Variants in UNC5C observed in about 807,000 individuals in gnomAD.
The protein encoded by UNC5C is unc-5 netrin receptor C, also known as netrin receptor UNC5C.
Under a neutral mutation model 99.8 loss-of-function variants are expected in UNC5C, and 47 were observed. The ratio of observed to expected loss-of-function variants is 0.47; its 90% CI spans 0.37 to 0.60. The LOEUF is 0.60. Among genes scored for constraint, UNC5C ranks in the 20% least tolerant of loss-of-function variants. The pLI, the probability that UNC5C is intolerant of heterozygous loss-of-function variation, is 0.00. For missense variants in UNC5C, 1,062 were observed against 1,165.9 expected (o/e 0.91, Z 1.30); for synonymous variants, 487 against 452.2 (o/e 1.08, Z -0.98).
At chr4:95,328,150 G>T (rs1742972761) in intron 2 of UNC5C, among the ~76,000 whole-genome samples, 1 of 108,030 alleles carries the variant, frequency 9.3e-6, no homozygotes, top group South Asian at 4.0e-4. Flanking sequence ...GTGCCATGCT[G>T]GTGCACTGCA....
At chr4:95,174,761 G>T (rs559323191) in intron 14 of UNC5C, among the ~76,000 whole-genome samples, 2 of 146,690 alleles carry the variant, frequency 1.4e-5, no homozygotes, top group African/African-American at 2.5e-5. Flanking sequence ...TATTAGGTCT[G>T]CTTGGTGCAG....
At chr4:95,482,814 A>T (rs1721202588) in intron 1 of UNC5C, among the ~76,000 whole-genome samples, 3 of 124,360 alleles carry the variant, frequency 2.4e-5, no homozygotes, top group South Asian at 2.6e-4. Flanking sequence ...AACAATGAGA[A>T]CACATGGACA....
chr4:95,389,144 G>A (rs1048791886), intron 1 of UNC5C, among the ~76,000 whole-genome samples: 1 of 152,112 alleles, frequency 6.6e-6, no homozygotes. Context: ...AACAAAGCAG[G>A]TTAAACTGAA....
At chr4:95,184,931 G>GAAAC (rs1237149401) in intron 13 of UNC5C, 116 bp downstream of exon 13, 7 of 1,180,370 alleles carry the variant, frequency 5.9e-6, no homozygotes, top group East Asian at 5.4e-5. Context: ...CTATTTTGGA[G>GAAAC]AAACAAGTAA....
chr4:95,404,455 T>C (rs1270895490), intron 1 of UNC5C, among the ~76,000 whole-genome samples: 1 of 152,126 alleles, frequency 6.6e-6, no homozygotes, highest in Non-Finnish European at 1.5e-5. Flanking sequence ...AGAACCAAAG[T>C]GGAGCCAGGG....
chr4:95,165,002 C>T lies in UNC5C; in HGVS notation c.*4232G>A, dbSNP rs1735806893. 6.6e-6 allele frequency: 1 copy of T among 152,236 alleles called. No homozygotes were observed. Among genetic ancestry groups the T allele is most frequent in the Non-Finnish European group, 1.5e-5 (1 of 68,060 alleles). 9.4% of individuals were successfully genotyped at this position (152,236 alleles called of 1,614,324 possible). On this transcript the variant is annotated 3_prime_UTR_variant, in exon 16 of 16. Transcript: ENST00000453304. ...GGAGATGGTGATCACCTTATTAACTCCCTTCTGCATACGTGGATTACAGAG... is the reference window on the plus strand; with the variant it reads ...GGAGATGGTGATCACCTTATTAACTTCCTTCTGCATACGTGGATTACAGAG...
At position 95,350,205 on chromosome 4, in the gene UNC5C, C is replaced by T. The variant is rs113262976; in HGVS notation, c.125-14574G>A. 2.3e-3 allele frequency among the ~76,000 whole-genome samples: 356 copies of T among 152,006 alleles called. 2 individuals carry two copies. Among genetic ancestry groups the T allele is most frequent in the African/African-American group, 7.8e-3 (323 of 41,504 alleles). ...TACATAGGGAATTAAGAAAAAGTTC[C>T]GGCTGGGCGCGATGGTTCACGCCTG... On this transcript the variant is annotated intron_variant, in intron 1 of 15. Coordinates refer to ENST00000453304, the MANE Select transcript of UNC5C (RefSeq NM_003728.4).
intron 1 of UNC5C, among the ~76,000 whole-genome samples, chr4:95,464,835 A>T (rs568434121): frequency 1.3e-5 from 2 of 152,356 alleles, no homozygotes; most frequent in South Asian, 4.1e-4. Flanking sequence ...ATGAAAAATC[A>T]TAATTCTTTC....
At chr4:95,183,732 G>T (rs1736712145) in intron 13 of UNC5C, among the ~76,000 whole-genome samples, 1 of 152,170 alleles carries the variant, frequency 6.6e-6, no homozygotes, top group African/African-American at 2.4e-5. Context: ...TAAAAAATGG[G>T]AGAGCATGGC....
At chr4:95,489,475 A>T (rs1307025830) in intron 1 of UNC5C, among the ~76,000 whole-genome samples, 2 of 151,816 alleles carry the variant, frequency 1.3e-5, no homozygotes, top group Middle Eastern at 3.4e-3. Context: ...AGGTATTAGA[A>T]GATCACATGG....
chr4:95,193,290 G>A (rs779652004), intron 12 of UNC5C, among the ~76,000 whole-genome samples: 2 of 152,220 alleles, frequency 1.3e-5, no homozygotes, highest in African/African-American at 4.8e-5. Context: ...ACAGAAGGCA[G>A]GAAGCGAAGC....
intron 14 of UNC5C, among the ~76,000 whole-genome samples, chr4:95,173,214 T>C (rs1385771502): frequency 1.4e-5 from 2 of 147,718 alleles, no homozygotes; most frequent in Non-Finnish European, 3.0e-5. Context: ...CCTCTTTTCC[T>C]AACTGAATAC....
chr4:95,220,321 G>C, intron 7 of UNC5C, 145 bp from the exon 8 acceptor site: 1 of 841,836 alleles, frequency 1.2e-6, no homozygotes, highest in Non-Finnish European at 1.8e-6. Flanking sequence ...TAAAATGGCT[G>C]TGGCCTTTCA....
chr4:95,320,729 G>A (rs1742658152), intron 2 of UNC5C, among the ~76,000 whole-genome samples: 1 of 152,144 alleles, frequency 6.6e-6, no homozygotes, highest in Non-Finnish European at 1.5e-5. Flanking sequence ...CTCTGCGTGG[G>A]CCTGAGGGTG....
In UNC5C at chr4:95,294,617, T is replaced by C. The variant is rs150346146; in HGVS notation, c.490+6989A>G. On this transcript the variant is annotated intron_variant, in intron 3 of 15. Transcript: ENST00000453304. The stretch of plus-strand genomic sequence containing the variant: ...ATCCTCAGGCATGGGCAGAAGGGGT[T>C]GGAAATTACAGTCAAATTTTATGTG... Among the ~76,000 whole-genome samples, 14 of 152,316 alleles carry C rather than the reference T, an allele frequency of 9.2e-5. No homozygotes were observed. In the East Asian group the frequency reaches 2.5e-3, roughly 27 times the overall value.
chr4:95,267,439 CAA>C (rs1740490233), intron 4 of UNC5C, among the ~76,000 whole-genome samples: 1 of 152,014 alleles, frequency 6.6e-6, no homozygotes, highest in Non-Finnish European at 1.5e-5. Flanking sequence ...CTGTTTCTAA[CAA>C]GAGGGAGAAT....
chr4:95,398,045 T>G (rs1486564188), intron 1 of UNC5C, among the ~76,000 whole-genome samples: 1 of 39,260 alleles, frequency 2.5e-5, no homozygotes, highest in Non-Finnish European at 4.8e-5. Flanking sequence ...CAAATGTAGC[T>G]TTTTTTTTTT....
At chr4:95,205,230 C>G (rs1288208961) in intron 11 of UNC5C, among the ~76,000 whole-genome samples, 1 of 152,154 alleles carries the variant, frequency 6.6e-6, no homozygotes, top group African/African-American at 2.4e-5. Flanking sequence ...TGTAACTACT[C>G]AAACCCAGAA....
rs536377531 is a variant in UNC5C at position 95,277,574 on chromosome 4, C to T, written c.594+685G>A. ...AGTGCTTGCAATCTCTTCTGGGTCACAGAGTCCTCTTCCCCAAAGAGAGAT... is the reference window on the plus strand; with the variant it reads ...AGTGCTTGCAATCTCTTCTGGGTCATAGAGTCCTCTTCCCCAAAGAGAGAT... On this transcript the variant is annotated intron_variant, in intron 4 of 15. Coordinates refer to ENST00000453304, the MANE Select transcript of UNC5C (RefSeq NM_003728.4). Among the ~76,000 whole-genome samples, 7 of 152,278 alleles carry T rather than the reference C, an allele frequency of 4.6e-5. No individual in the cohort carries two copies. The South Asian group carries it at 1.2e-3, about 27-fold the overall frequency.
Sources: allele counts gnomAD v4.1 joint callset (sites outside exome capture counted in the v4.1 genomes callset), GRCh38; gene constraint gnomAD v4.1.1; transcripts MANE v1.5; gene names NCBI Gene and HGNC (gene_info 2026-07-23, HGNC 2026-07-21).